The following GRM8 variants were observed in gnomAD, a reference collection of about 807,000 sequenced individuals.
GRM8 encodes glutamate metabotropic receptor 8, also known as metabotropic glutamate receptor 8.
GRM8 carries 47 observed loss-of-function variants against 87.2 expected under a neutral mutation model. The observed-to-expected ratio is 0.54, with a 90% CI of 0.43 to 0.69. GRM8 has a LOEUF of 0.69. Ranked by LOEUF, GRM8 falls within the 30% of genes least tolerant of loss-of-function variation. The pLI, the probability that GRM8 is intolerant of heterozygous loss-of-function variation, is 0.00. For synonymous variants in GRM8, 396 were observed against 404.5 expected (o/e 0.98, Z 0.25); for missense variants, 1,019 against 1,139.2 (o/e 0.89, Z 1.52).
At chr7:127,204,001 A>C (rs1002409873) in intron 2 of GRM8, among the ~76,000 whole-genome samples, 2 of 152,230 alleles carry the variant, frequency 1.3e-5, no homozygotes, top group South Asian at 4.1e-4. Context: ...TGTTTATAAA[A>C]TATGCTAAAT....
intron 3 of GRM8, among the ~76,000 whole-genome samples, chr7:126,912,079 C>T (rs2131298258): frequency 6.6e-6 from 1 of 152,210 alleles, no homozygotes; most frequent in South Asian, 2.1e-4. Context: ...CACCTGTAGT[C>T]CCAGCTACTT....
chr7:127,176,463 G>T (rs140785571), intron 2 of GRM8, among the ~76,000 whole-genome samples: 36 of 152,210 alleles, frequency 2.4e-4, no homozygotes, highest in African/African-American at 8.2e-4. Context: ...ACTCAAGTGG[G>T]ATCATCATGG....
At chr7:126,486,665 G>A (rs143378167) in intron 9 of GRM8, among the ~76,000 whole-genome samples, 14 of 152,108 alleles carry the variant, frequency 9.2e-5, no homozygotes, top group East Asian at 5.8e-4. Flanking sequence ...TGTGGATTAC[G>A]TCTGTTGATA....
At chr7:126,459,089 G>T (rs1803585921) in intron 9 of GRM8, among the ~76,000 whole-genome samples, 1 of 150,752 alleles carries the variant, frequency 6.6e-6, no homozygotes, top group Non-Finnish European at 1.5e-5. Context: ...GAAAACTATA[G>T]TACTCATAAA....
chr7:126,770,118 A>G, intron 6 of GRM8, 53 bp from the exon 7 acceptor site: 1 of 1,137,154 alleles, frequency 8.8e-7, no homozygotes, highest in Non-Finnish European at 1.3e-6. Flanking sequence ...CCAATAAAAG[A>G]CAGCATTAGA....
At chr7:127,020,900 T>C (rs763046553) in intron 3 of GRM8, among the ~76,000 whole-genome samples, 3 of 152,026 alleles carry the variant, frequency 2.0e-5, no homozygotes, top group Admixed American at 1.3e-4. Flanking sequence ...TTAAAGCTCC[T>C]TTTAAGTGGG....
intron 3 of GRM8, among the ~76,000 whole-genome samples, chr7:127,055,677 A>ACACACT (rs1819909781): frequency 6.6e-6 from 1 of 152,034 alleles, no homozygotes; most frequent in African/African-American, 2.4e-5. Flanking sequence ...ATACACACAC[A>ACACACT]CACACTCACA....
chr7:127,157,639 T>C (rs1366289972), intron 2 of GRM8, among the ~76,000 whole-genome samples: 1 of 152,100 alleles, frequency 6.6e-6, no homozygotes, highest in Admixed American at 6.6e-5. Flanking sequence ...CATTTTATCA[T>C]GGATGAAAAA....
At chr7:127,095,547 A>G (rs954475734) in intron 3 of GRM8, 1 of 152,254 alleles carries the variant, frequency 6.6e-6, no homozygotes, top group Non-Finnish European at 1.5e-5. Context: ...CATATATTAC[A>G]TTACAAAGTT....
At chr7:126,942,959 G>A (rs1355856804) in intron 3 of GRM8, among the ~76,000 whole-genome samples, 1 of 152,096 alleles carries the variant, frequency 6.6e-6, no homozygotes, top group African/African-American at 2.4e-5. Flanking sequence ...TTGAAATTCA[G>A]TCAAGTAGAG....
At chr7:126,672,605 G>C (rs368244408) in intron 7 of GRM8, among the ~76,000 whole-genome samples, 1 of 152,124 alleles carries the variant, frequency 6.6e-6, no homozygotes, top group Non-Finnish European at 1.5e-5. Flanking sequence ...GTTGGCTCAG[G>C]ATCAAGCTCA....
At chr7:126,819,275 T>TACAC (rs3038867) in intron 6 of GRM8, among the ~76,000 whole-genome samples, 2,507 of 148,322 alleles carry the variant, frequency 0.017, 62 homozygotes, top group African/African-American at 0.057. Flanking sequence ...CAGACACACA[T>TACAC]ACACACACAC....
At chr7:126,828,659 G>C (rs984351395) in intron 6 of GRM8, among the ~76,000 whole-genome samples, 3 of 152,112 alleles carry the variant, frequency 2.0e-5, no homozygotes, top group Admixed American at 6.5e-5. Context: ...CAAAAAACCA[G>C]CTCCTGGATT....
At chr7:126,847,657 G>A (rs1490011617) in intron 6 of GRM8, among the ~76,000 whole-genome samples, 1 of 152,054 alleles carries the variant, frequency 6.6e-6, no homozygotes, top group Non-Finnish European at 1.5e-5. Context: ...TTGCATTTTG[G>A]CTCAGGGATC....
chr7:126,476,763 G>A (rs1805959859), intron 9 of GRM8, among the ~76,000 whole-genome samples: 1 of 151,920 alleles, frequency 6.6e-6, no homozygotes, highest in South Asian at 2.1e-4. Flanking sequence ...ACAAGGATGG[G>A]GAGAAAAGGA....
At chr7:126,807,596 A>C (rs1023253201) in intron 6 of GRM8, among the ~76,000 whole-genome samples, 2 of 151,698 alleles carry the variant, frequency 1.3e-5, no homozygotes, top group Non-Finnish European at 2.9e-5. Context: ...TCATTATATT[A>C]TCTCTCCTGC....
chr7:126,800,669 A>G (rs1822569704), intron 6 of GRM8, among the ~76,000 whole-genome samples: 1 of 152,112 alleles, frequency 6.6e-6, no homozygotes. Flanking sequence ...TAATTTGGGG[A>G]GAAAAAGTGT....
At chr7:126,574,308 G>T (rs917749569) in intron 8 of GRM8, among the ~76,000 whole-genome samples, 4 of 152,194 alleles carry the variant, frequency 2.6e-5, no homozygotes, top group Non-Finnish European at 5.9e-5. Context: ...CAATGTGGGA[G>T]ATAAGCAACT....
intron 8 of GRM8, among the ~76,000 whole-genome samples, chr7:126,558,506 T>C (rs889889430): frequency 1.3e-5 from 2 of 152,110 alleles, no homozygotes; most frequent in Non-Finnish European, 2.9e-5. Flanking sequence ...GATGCCAAAA[T>C]CCATGGATTC....
Sources: gnomAD v4.1 joint callset for allele counts (sites outside exome capture counted in the v4.1 genomes callset) on GRCh38, gnomAD v4.1.1 for gene constraint, MANE v1.5 for transcripts, NCBI Gene and HGNC (gene_info 2026-07-23, HGNC 2026-07-21) for gene names.